BLTP1: variants seen among roughly 807,000 people sequenced by gnomAD.
The protein encoded by BLTP1 is bridge-like lipid transfer protein family member 1, also known as fragile site-associated protein.
At chr4:122,204,266 A>T in the BLTP1 span, 1 of 891,682 alleles carries the variant, frequency 1.1e-6, no homozygotes, top group Admixed American at 6.2e-5. Flanking sequence ...AGTACAGAGG[A>T]AATCACTGTT....
chr4:122,254,206 C>T, the BLTP1 span: 21 of 1,612,600 alleles, frequency 1.3e-5, no homozygotes, highest in South Asian at 1.2e-4. Flanking sequence ...ATGAAGGAGT[C>T]GAATCTGATG....
At chr4:122,214,831 C>T in the BLTP1 span, among the ~76,000 whole-genome samples, 790 of 151,812 alleles carry the variant, frequency 5.2e-3, 4 homozygotes, top group Admixed American at 8.1e-3. Context: ...AGGCTGGTCT[C>T]GAACTCCTAG....
chr4:122,153,557 T>G, the BLTP1 span, among the ~76,000 whole-genome samples: 1 of 152,166 alleles, frequency 6.6e-6, no homozygotes, highest in Non-Finnish European at 1.5e-5. Flanking sequence ...TGAAACCAGG[T>G]AATCTGACTC....
At chr4:122,275,202 G>A in the BLTP1 span, among the ~76,000 whole-genome samples, 37,765 of 151,776 alleles carry the variant, frequency 0.25, 5,656 homozygotes, top group South Asian at 0.48. Flanking sequence ...TTATTATTAT[G>A]TATTAATTAT....
At chr4:122,202,502 A>G in the BLTP1 span, 1 of 824,104 alleles carries the variant, frequency 1.2e-6, no homozygotes. Context: ...CTGGAATTCT[A>G]ACTCAAGTAG....
the BLTP1 span, chr4:122,174,536 C>T: frequency 4.4e-6 from 7 of 1,599,374 alleles, no homozygotes; most frequent in Admixed American, 5.4e-5. Context: ...TCTGTTAAAA[C>T]AGTTACATTA....
At chr4:122,167,917 G>C in the BLTP1 span, 1 of 984,502 alleles carries the variant, frequency 1.0e-6, no homozygotes, top group Non-Finnish European at 1.2e-6. Context: ...TGAAGATTTT[G>C]CAATAGATTA....
chr4:122,269,781 T>A, the BLTP1 span: 1 of 577,548 alleles, frequency 1.7e-6, no homozygotes, highest in African/African-American at 2.0e-5. Flanking sequence ...ATGTAGTAAG[T>A]CCTCATACAT....
At chr4:122,228,032 G>A in the BLTP1 span, among the ~76,000 whole-genome samples, 1 of 151,410 alleles carries the variant, frequency 6.6e-6, no homozygotes, top group African/African-American at 2.4e-5. Flanking sequence ...TCTTGCCTCA[G>A]CCTCCCGAGT....
the BLTP1 span, chr4:122,172,133 T>G: frequency 7.0e-6 from 2 of 284,354 alleles, no homozygotes; most frequent in Non-Finnish European, 1.1e-5. Flanking sequence ...TCAAAGCTAT[T>G]ACCATCAATC....
At chr4:122,284,975 T>C in the BLTP1 span, among the ~76,000 whole-genome samples, 1 of 152,244 alleles carries the variant, frequency 6.6e-6, no homozygotes, top group East Asian at 1.9e-4. Flanking sequence ...GTAATTTTGC[T>C]GAACATTTAG....
chr4:122,348,607 C>T, the BLTP1 span: 1 of 1,608,558 alleles, frequency 6.2e-7, no homozygotes, highest in Non-Finnish European at 8.5e-7. Context: ...ACAAATCAAA[C>T]AAAGCAGCAA....
At chr4:122,308,209 C>T in the BLTP1 span, 9 of 1,586,854 alleles carry the variant, frequency 5.7e-6, no homozygotes, top group Non-Finnish European at 7.8e-6. Context: ...GGCATTTCTA[C>T]ATAACCATTT....
the BLTP1 span, chr4:122,243,042 C>G: frequency 2.5e-6 from 4 of 1,612,450 alleles, no homozygotes; most frequent in Non-Finnish European, 3.4e-6. Context: ...TAGACAGAGG[C>G]ATGCAACTTT....
the BLTP1 span, chr4:122,257,638 C>T: frequency 4.0e-6 from 3 of 753,738 alleles, no homozygotes; most frequent in Non-Finnish European, 6.5e-6. Context: ...TTAAAAATGT[C>T]AAGACCCTTT....
At chr4:122,289,708 T>TA in the BLTP1 span, 1 of 944,452 alleles carries the variant, frequency 1.1e-6, no homozygotes, top group Non-Finnish European at 1.3e-6. Context: ...TAACAGTTCT[T>TA]AATGCTGAGT....
chr4:122,305,163 G>T, the BLTP1 span: 66 of 976,890 alleles, frequency 6.8e-5, 1 homozygote, highest in African/African-American at 7.5e-4. Context: ...AATTGTAGCC[G>T]CATATTGTTA....
chr4:122,283,331 C>T, the BLTP1 span, among the ~76,000 whole-genome samples: 2 of 151,870 alleles, frequency 1.3e-5, no homozygotes, highest in African/African-American at 4.8e-5. Context: ...TCTTTTTTTC[C>T]AGTGGCATAT....
chr4:122,189,419 CG>C, the BLTP1 span: 2 of 982,252 alleles, frequency 2.0e-6, no homozygotes, highest in Non-Finnish European at 2.4e-6. Flanking sequence ...TTAGAGTTCA[CG>C]ATGTTTGCTC....
Sources: gnomAD v4.1 joint callset for allele counts (sites outside exome capture counted in the v4.1 genomes callset) on GRCh38, gnomAD v4.1.1 for gene constraint, MANE v1.5 for transcripts, NCBI Gene and HGNC (gene_info 2026-07-23, HGNC 2026-07-21) for gene names.